CCDC18: variants seen among roughly 807,000 people sequenced by gnomAD.
CCDC18 encodes coiled-coil domain-containing protein 18.
CCDC18 carries 157 observed loss-of-function variants against 196.0 expected under a neutral mutation model. The ratio of observed to expected loss-of-function variants is 0.80; its 90% CI spans 0.70 to 0.91. The LOEUF is 0.91. Ranked by LOEUF, CCDC18 falls within the 40% of genes least tolerant of loss-of-function variation. CCDC18 has a pLI of 0.00. For missense variants in CCDC18, 1,465 were observed against 1,611.6 expected, an observed-to-expected ratio of 0.91 and a Z score of 1.56; for synonymous variants, 482 against 529.2, an observed-to-expected ratio of 0.91 and a Z score of 1.22.
chr1:93,270,530 G>A lies in CCDC18; in HGVS notation c.4069G>A (p.Ala1357Thr). The change falls in exon 28 of 29, where the codon GCC (alanine) becomes ACC (threonine). Residue 1357 changes from alanine to threonine, a missense_variant. Transcript: ENST00000690025. ...KCTKLRRSIS[A>T]SDLTFKIHGD... ...TACAAAATTACGTCGCTCTATTAGT[G>A]CCAGTGATCTTACTTTCAAAATTCA... 1 of 1,550,344 alleles carries A rather than the reference G, an allele frequency of 6.5e-7. No individual in the cohort carries two copies. The highest frequency in any genetic ancestry group is 8.7e-7 in the Non-Finnish European group (1 of 1,146,868).
At chr1:93,216,801 G>T in intron 13 of CCDC18, 55 bp downstream of exon 13, 1 of 819,480 alleles carries the variant, frequency 1.2e-6, no homozygotes, top group African/African-American at 1.8e-5. Flanking sequence ...CACTTAATTT[G>T]TGACAGCACA....
upstream of CCDC18, chr1:93,180,360 G>C: frequency 7.5e-7 from 1 of 1,339,898 alleles, no homozygotes; most frequent in South Asian, 1.4e-5. Flanking sequence ...GAAACTCCAG[G>C]TGGCGGCCGC....
intron 7 of CCDC18, among the ~76,000 whole-genome samples, chr1:93,202,426 G>A (rs1204810777): frequency 6.6e-6 from 1 of 152,154 alleles, no homozygotes; most frequent in East Asian, 1.9e-4. Flanking sequence ...AGAAATAATA[G>A]TGAGTTTATT....
chr1:93,205,382 G>C, intron 7 of CCDC18, 128 bp from the exon 8 acceptor site: 1 of 729,270 alleles, frequency 1.4e-6, no homozygotes, highest in South Asian at 2.2e-5. Context: ...TACAAGGCTG[G>C]GGACTTAAAT....
chr1:93,191,930 A>G (rs1442169538), intron 4 of CCDC18, 70 bp from the exon 5 acceptor site: 2 of 1,083,102 alleles, frequency 1.8e-6, no homozygotes, highest in Non-Finnish European at 2.8e-6. Flanking sequence ...ATCTGACAGG[A>G]AAAAAACTAA....
intron 3 of CCDC18, among the ~76,000 whole-genome samples, chr1:93,185,448 C>T (rs1401065616): frequency 6.6e-6 from 1 of 151,556 alleles, no homozygotes; most frequent in East Asian, 1.9e-4. Context: ...TTCAAGTATC[C>T]AGTAATAGGG....
intron 17 of CCDC18, among the ~76,000 whole-genome samples, chr1:93,231,416 TTATA>T (rs1659223819): frequency 6.6e-6 from 1 of 151,668 alleles, no homozygotes; most frequent in Admixed American, 6.5e-5. Flanking sequence ...TTTTTTAACT[TTATA>T]AATTTTTATG....
At chr1:93,275,592 G>A (rs1020746667) in intron 28 of CCDC18, among the ~76,000 whole-genome samples, 4 of 152,132 alleles carry the variant, frequency 2.6e-5, no homozygotes, top group African/African-American at 7.2e-5. Flanking sequence ...ATGTCAAATA[G>A]ATTCAAAGGT....
At position 93,254,733 on chromosome 1, in the gene CCDC18, C is replaced by T. The variant is rs183535330; in HGVS notation, c.3342+119C>T. On this transcript the variant is annotated intron_variant, in intron 24 of 28. Transcript: ENST00000690025. ...AAACTGTGCCATAACTGTTTTTAGG[C>T]TAGTTTTTTGTGCCAGAAACCTGTT... The T allele has an allele frequency of 1.7e-4, 164 of 985,730 alleles. No homozygotes were observed. The highest frequency in any genetic ancestry group is 2.5e-5 in the Non-Finnish European group (16 of 644,900). The allele number at this position is 985,730 out of a possible 1,614,324, so 61.1% of individuals were successfully genotyped here. A position where few individuals can be genotyped will look rare whatever the true frequency, so the allele number is the denominator to read the frequency against.
chr1:93,198,678 T>C (rs1459889413), intron 6 of CCDC18, among the ~76,000 whole-genome samples: 1 of 152,170 alleles, frequency 6.6e-6, no homozygotes, highest in Non-Finnish European at 1.5e-5. Context: ...AATATGGTAT[T>C]GCTTTGTTAC....
At chr1:93,252,003 A>ATCTGTCTG (rs1242942813) in intron 23 of CCDC18, among the ~76,000 whole-genome samples, 5 of 131,118 alleles carry the variant, frequency 3.8e-5, no homozygotes, top group Non-Finnish European at 6.3e-5. Flanking sequence ...TAGTCTATTT[A>ATCTGTCTG]TCTATCTATC....
intron 28 of CCDC18, among the ~76,000 whole-genome samples, chr1:93,272,384 A>G (rs2101565694): frequency 6.6e-6 from 1 of 152,358 alleles, no homozygotes; most frequent in Admixed American, 6.5e-5. Context: ...TTTAAATGCT[A>G]GATTTCATCA....
chr1:93,222,063 G>T, intron 16 of CCDC18, 127 bp downstream of exon 16: 1 of 596,174 alleles, frequency 1.7e-6, no homozygotes. Flanking sequence ...TTGAACTCCT[G>T]AGCTCAAGTA....
chr1:93,256,754 A>G (rs1663013099), intron 25 of CCDC18, among the ~76,000 whole-genome samples: 1 of 152,208 alleles, frequency 6.6e-6, no homozygotes, highest in African/African-American at 2.4e-5. Flanking sequence ...TGTGTTATAT[A>G]TAGATAACTT....
chr1:93,276,091 T>C (rs1570674926), intron 28 of CCDC18, among the ~76,000 whole-genome samples: 1 of 152,192 alleles, frequency 6.6e-6, no homozygotes, highest in South Asian at 2.1e-4. Context: ...GTGCAGAGGG[T>C]ATCAGCTGGC....
At chr1:93,183,631 A>C (rs1650123481) in intron 2 of CCDC18, 136 bp downstream of exon 2, 1 of 629,150 alleles carries the variant, frequency 1.6e-6, no homozygotes, top group Non-Finnish European at 2.4e-6. Flanking sequence ...TTTTAATGTA[A>C]CTTTCAGTTT....
At chr1:93,200,217 C>T (rs1221456080) in intron 6 of CCDC18, among the ~76,000 whole-genome samples, 1 of 152,038 alleles carries the variant, frequency 6.6e-6, no homozygotes, top group Non-Finnish European at 1.5e-5. Context: ...TCAAGCAATC[C>T]TCCTGGCTCA....
intron 9 of CCDC18, among the ~76,000 whole-genome samples, chr1:93,207,702 A>G (rs1412422024): frequency 1.3e-5 from 2 of 152,150 alleles, no homozygotes; most frequent in African/African-American, 4.8e-5. Flanking sequence ...GATTTTTAGT[A>G]AATTTATAAG....
At chr1:93,244,657 A>T (rs750916731) in intron 21 of CCDC18, among the ~76,000 whole-genome samples, 2 of 152,216 alleles carry the variant, frequency 1.3e-5, no homozygotes, top group African/African-American at 4.8e-5. Context: ...ACATAACATT[A>T]TGAATATACT....
Sources: allele counts gnomAD v4.1 joint callset (sites outside exome capture counted in the v4.1 genomes callset), GRCh38; gene constraint gnomAD v4.1.1; transcripts MANE v1.5; gene names NCBI Gene and HGNC (gene_info 2026-07-23, HGNC 2026-07-21).